The following REG4 variants were observed in gnomAD, a reference collection of about 807,000 sequenced individuals.
REG4 encodes regenerating islet-derived protein 4.
In REG4, 16 loss-of-function variants were observed where a neutral mutation model predicts 22.3. That is an observed-to-expected ratio of 0.72 (90% CI 0.49 to 1.09). REG4 has a LOEUF of 1.09. Ranked by LOEUF, REG4 falls within the 50% of genes least tolerant of loss-of-function variation. REG4 has a pLI of 0.00. For synonymous variants in REG4, 71 were observed against 69.2 expected, an observed-to-expected ratio of 1.03 and a Z score of -0.13; for missense variants, 214 against 193.9, an observed-to-expected ratio of 1.10 and a Z score of -0.61.
At chr1:119,804,752 C>T (rs1654238637) in intron 2 of REG4, among the ~76,000 whole-genome samples, 1 of 152,184 alleles carries the variant, frequency 6.6e-6, no homozygotes, top group African/African-American at 2.4e-5. Flanking sequence ...TCTTTGCACT[C>T]TGTCTACATC....
intron 4 of REG4, 123 bp downstream of exon 4, chr1:119,799,602 G>T: frequency 7.8e-7 from 1 of 1,280,850 alleles, no homozygotes; most frequent in Non-Finnish European, 1.1e-6. Flanking sequence ...TCCGTCAGCT[G>T]GAGGCACATC....
At position 119,795,495 on chromosome 1, in the gene REG4, A is replaced by G. The variant is rs114937046; in HGVS notation, c.410-810T>C. 4.3e-3 allele frequency among the ~76,000 whole-genome samples: 657 copies of G among 152,352 alleles called. 9 individuals are homozygous for G. Among genetic ancestry groups the G allele is most frequent in the African/African-American group, 0.015 (633 of 41,578 alleles). ...AGGTGGCCTTTTGAAGGACTGAAGT[A>G]TTTTTGAGGTGAGATCCAACTATTT... On this transcript the variant is annotated intron_variant, in intron 5 of 5. Coordinates refer to ENST00000256585, the MANE Select transcript of REG4 (RefSeq NM_032044.4).
At chr1:119,803,564 G>C (rs1654191582) in intron 2 of REG4, among the ~76,000 whole-genome samples, 1 of 152,190 alleles carries the variant, frequency 6.6e-6, no homozygotes, top group Non-Finnish European at 1.5e-5. Flanking sequence ...GTTCTGGAAT[G>C]CATAATTGGA....
chr1:119,798,506 A>T lies in REG4; in HGVS notation c.400T>A (p.Ser134Thr). The T allele has an allele frequency of 6.2e-7, 1 of 1,613,274 alleles. No homozygotes were observed. The highest frequency in any genetic ancestry group is 8.5e-7 in the Non-Finnish European group (1 of 1,179,226). The part of the protein sequence containing the change: ...GGNKHCAEMS[S>T]NNNFLTWSSN... ...GTGCATTATAACTTACTGTTATTGG[A>T]GCTCATCTCAGCACAGTGCTTGTTC... Residue 134 changes from serine to threonine, a missense_variant, in exon 5 of 6, where the codon TCC becomes ACC. Physicochemically the swap from Ser to Thr is moderately conservative, Grantham distance 58. Transcript: ENST00000256585.
chr1:119,798,485 A>C lies in REG4; in HGVS notation c.409+12T>G. ...ATTGGGAAGTGGTGAGGGGTGGTGC[A>C]TTATAACTTACTGTTATTGGAGCTC... On this transcript the variant is annotated intron_variant, in intron 5 of 5. Coordinates refer to ENST00000256585, the MANE Select transcript of REG4 (RefSeq NM_032044.4). 6.2e-7 allele frequency: 1 copy of C among 1,602,454 alleles called. No homozygotes were observed. Among genetic ancestry groups the C allele is most frequent in the Non-Finnish European group, 8.6e-7 (1 of 1,169,346 alleles).
chr1:119,796,255 A>G (rs1283852793), intron 5 of REG4, among the ~76,000 whole-genome samples: 1 of 152,220 alleles, frequency 6.6e-6, no homozygotes, highest in Admixed American at 6.5e-5. Context: ...TGCAGAACCC[A>G]TGCTCTTGAC....
intron 2 of REG4, among the ~76,000 whole-genome samples, chr1:119,807,378 A>G (rs1056092508): frequency 3.9e-5 from 6 of 152,256 alleles, no homozygotes; most frequent in African/African-American, 1.4e-4. Flanking sequence ...GAGAAATTGA[A>G]GGACCTGTAG....
intron 1 of REG4, among the ~76,000 whole-genome samples, chr1:119,810,556 C>T (rs1002460064): frequency 3.3e-5 from 5 of 152,122 alleles, no homozygotes; most frequent in African/African-American, 9.7e-5. Flanking sequence ...TAAATCATTG[C>T]GTGAACCTTG....
chr1:119,794,354 A>G lies in REG4; in HGVS notation c.*264T>C. 1 of 596,932 alleles carries G rather than the reference A, an allele frequency of 1.7e-6. No homozygotes were observed. The highest frequency in any genetic ancestry group is 3.1e-6 in the Non-Finnish European group (1 of 320,764). The allele number at this position is 596,932 out of a possible 1,614,324, so 37.0% of individuals were successfully genotyped here. On this transcript the variant is annotated 3_prime_UTR_variant, in exon 6 of 6. Coordinates refer to ENST00000256585, the MANE Select transcript of REG4 (RefSeq NM_032044.4). Reference sequence around the variant, plus strand: ...ATAGGCTGGAGATGCACTCTTCTAGACTGCTCGAGACAGCCAGAGACAGGG... The same window carrying G: ...ATAGGCTGGAGATGCACTCTTCTAGGCTGCTCGAGACAGCCAGAGACAGGG...
intron 2 of REG4, among the ~76,000 whole-genome samples, chr1:119,804,125 T>TTTG (rs1654215263): frequency 6.6e-6 from 1 of 152,194 alleles, no homozygotes; most frequent in South Asian, 2.1e-4. Flanking sequence ...AAGTGTAGGC[T>TTTG]TTGTGACTAT....
chr1:119,806,705 C>T (rs1654331292), intron 2 of REG4, among the ~76,000 whole-genome samples: 2 of 152,136 alleles, frequency 1.3e-5, no homozygotes, highest in Admixed American at 6.5e-5. Context: ...ACCTTGACCC[C>T]ACCTCACATG....
chr1:119,794,625 C>G lies in REG4; in HGVS notation c.470G>C (p.Arg157Pro), dbSNP rs967171739. The change falls in exon 6 of 6, where the codon CGA (arginine) becomes CCA (proline). Residue 157 changes from arginine (R) to proline (P), a missense_variant. By Grantham distance (103) the Arg-to-Pro change is moderately radical. Transcript: ENST00000256585. The stretch of plus-strand genomic sequence containing the variant: ...AGAATCTTGATTCTTGCTCTATGGT[C>G]GGTACTTGCACAGGAAGTGTTGGCG... ...NKRQHFLCKYRP is the reference protein window; with the variant it reads ...NKRQHFLCKYPP The G allele has an allele frequency of 1.2e-6, 2 of 1,613,778 alleles. No individual in the cohort carries two copies. Among genetic ancestry groups the G allele is most frequent in the African/African-American group, 2.7e-5 (2 of 74,922 alleles).
chr1:119,810,775 G>A (rs949725272), intron 1 of REG4, among the ~76,000 whole-genome samples: 3 of 152,282 alleles, frequency 2.0e-5, no homozygotes, highest in South Asian at 2.1e-4. Context: ...GCACTGGGCC[G>A]GGTGTGGTGG....
intron 1 of REG4, among the ~76,000 whole-genome samples, chr1:119,809,599 C>G (rs1341206346): frequency 2.0e-5 from 3 of 152,092 alleles, no homozygotes; most frequent in Non-Finnish European, 4.4e-5. Context: ...ATCATATAGT[C>G]CTATAGCCTG....
At chr1:119,800,561 A>G (rs1010400072) in intron 3 of REG4, among the ~76,000 whole-genome samples, 8 of 152,206 alleles carry the variant, frequency 5.3e-5, no homozygotes, top group African/African-American at 1.9e-4. Context: ...GGGCAACTGG[A>G]CACAGGAAGA....
At chr1:119,809,090 T>C (rs1654420298) in intron 1 of REG4, 2 of 220,808 alleles carry the variant, frequency 9.1e-6, no homozygotes, top group African/African-American at 4.6e-5. Context: ...AGTTTCATAG[T>C]CTGCATGGAG....
At chr1:119,802,510 T>C (rs1287757998) in intron 3 of REG4, 2 of 1,056,214 alleles carry the variant, frequency 1.9e-6, no homozygotes, top group African/African-American at 3.3e-5. Flanking sequence ...CCACTCCCCA[T>C]ATGTGGCTGA....
At chr1:119,798,694 T>C (rs981218580) in intron 4 of REG4, 92 bp from the exon 5 acceptor site, 14 of 860,898 alleles carry the variant, frequency 1.6e-5, no homozygotes, top group Admixed American at 1.4e-4. Flanking sequence ...AACATGGTTT[T>C]CATTGCAAAC....
Position 119,798,535 on chromosome 1 carries a change from C to G in REG4, c.371G>C (p.Gly124Ala). Residue 124 changes from glycine (G) to alanine (A), a missense_variant, in exon 5 of 6, where the codon GGT (glycine) becomes GCT (alanine). Physicochemically the swap from Gly to Ala is moderately conservative, Grantham distance 60. Transcript: ENST00000256585. The part of the protein sequence containing the change: ...LYRSWSGKSM[G>A]GNKHCAEMSS... ...CATCTCAGCACAGTGCTTGTTCCCA[C>G]CCATGGACTTGCCAGACCAGGATCT... 8.1e-6 allele frequency: 13 copies of G among 1,614,178 alleles called. No homozygotes were observed. The highest frequency in any genetic ancestry group is 1.1e-5 in the Non-Finnish European group (13 of 1,179,984).
Sources: gnomAD v4.1 joint callset for allele counts (sites outside exome capture counted in the v4.1 genomes callset) on GRCh38, gnomAD v4.1.1 for gene constraint, MANE v1.5 for transcripts, NCBI Gene and HGNC (gene_info 2026-07-23, HGNC 2026-07-21) for gene names.